The following ECI1 variants were observed in gnomAD, a reference collection of about 807,000 sequenced individuals.
ECI1 encodes enoyl-CoA delta isomerase 1, mitochondrial.
In ECI1, 34 loss-of-function variants were observed where a neutral mutation model predicts 34.2. That is an observed-to-expected ratio of 1.00 (90% CI 0.76 to 1.33). The LOEUF is 1.33. ECI1 is among the 40% of genes most tolerant of loss of function. The probability of loss-of-function intolerance (pLI) is 0.00; values close to 1 mark genes in which losing one functional copy is unlikely to be tolerated. For missense variants in ECI1, 456 were observed against 422.2 expected (o/e 1.08, Z -0.70); for synonymous variants, 211 against 193.0 (o/e 1.09, Z -0.77).
At chr16:2,241,737 G>A (rs1315216131) in intron 6 of ECI1, 1 of 151,892 alleles carries the variant, frequency 6.6e-6, no homozygotes, top group African/African-American at 2.4e-5. Flanking sequence ...TGTCACCCAG[G>A]CTGGGGTACA....
At chr16:2,246,313 G>A (rs1416738204) in intron 3 of ECI1, among the ~76,000 whole-genome samples, 1 of 152,236 alleles carries the variant, frequency 6.6e-6, no homozygotes, top group African/African-American at 2.4e-5. Flanking sequence ...GAGGATCAGA[G>A]AGCATGGGTA....
intron 6 of ECI1, chr16:2,240,515 T>C (rs943671922): frequency 5.9e-5 from 15 of 253,386 alleles, no homozygotes; most frequent in Non-Finnish European, 9.3e-5. Context: ...CCGGCCCTAA[T>C]TTTTTTTTGT....
Position 2,239,866 on chromosome 16 carries a change from A to G in ECI1, c.*113T>C. On this transcript the variant is annotated 3_prime_UTR_variant, in exon 7 of 7. Transcript: ENST00000301729. ...TATGAGGAACAGGAACTTCTACGTA[A>G]CATCAGCAAAATGAAACGCTGGCAG... 8.4e-7 allele frequency: 1 copy of G among 1,197,068 alleles called. No individual in the cohort carries two copies. Among genetic ancestry groups the G allele is most frequent in the South Asian group, 1.2e-5 (1 of 81,294 alleles). 74.2% of individuals were successfully genotyped at this position (1,197,068 alleles called of 1,614,324 possible). A position where few individuals can be genotyped will look rare whatever the true frequency, so the allele number is the denominator to read the frequency against.
At chr16:2,250,314 C>G (rs1363495713) in intron 2 of ECI1, among the ~76,000 whole-genome samples, 1 of 151,340 alleles carries the variant, frequency 6.6e-6, no homozygotes, top group Non-Finnish European at 1.5e-5. Context: ...CTTAGTTTGT[C>G]CCTCTCAAGT....
At chr16:2,249,081 T>C (rs2093546825) in intron 2 of ECI1, among the ~76,000 whole-genome samples, 1 of 152,138 alleles carries the variant, frequency 6.6e-6, no homozygotes, top group South Asian at 2.1e-4. Context: ...ATTCTTGCTC[T>C]GTTGCCCAGG....
In ECI1 at chr16:2,243,544, C is replaced by T. The variant is rs577743285; in HGVS notation, c.442-105G>A. ...GGCCTGTGCCCTTGGCGCACCCCGA[C>T]CCCCGCAGGGTTCAACACCCACAAT... On this transcript the variant is annotated intron_variant, in intron 4 of 6. Transcript: ENST00000301729. 2.7e-5 allele frequency: 39 copies of T among 1,433,058 alleles called. No homozygotes were observed. The East Asian group carries it at 7.4e-4, about 27-fold the overall frequency. The allele number at this position is 1,433,058 out of a possible 1,614,324, so 88.8% of individuals were successfully genotyped here.
intron 3 of ECI1, among the ~76,000 whole-genome samples, chr16:2,244,775 C>A (rs899899647): frequency 6.6e-6 from 1 of 152,222 alleles, no homozygotes. Context: ...TTCCCTTTCC[C>A]GCTTCAAACT....
At chr16:2,251,077 C>T (rs894372365) in intron 2 of ECI1, among the ~76,000 whole-genome samples, 1 of 152,280 alleles carries the variant, frequency 6.6e-6, no homozygotes, top group Non-Finnish European at 1.5e-5. Flanking sequence ...GCCTCTGCCT[C>T]TTAAAGTGCT....
Position 2,243,180 on chromosome 16 carries a change from T to C in ECI1, c.608A>G (p.Glu203Gly). Residue 203 changes from glutamate to glycine, a missense_variant, in exon 6 of 7, where the codon GAG becomes GGG. Glu to Gly is a moderately conservative substitution (Grantham distance 98). Coordinates refer to ENST00000301729, the MANE Select transcript of ECI1 (RefSeq NM_001919.4). ...LENTIGHRAA[E>G]RALQLGLLFP... Reference sequence around the variant, plus strand: ...GAGCAGCCCCAGCTGCAGGGCACGCTCCGCCGCCCGGTGCCCGATGGTGTT... The same window carrying C: ...GAGCAGCCCCAGCTGCAGGGCACGCCCCGCCGCCCGGTGCCCGATGGTGTT... 6.2e-7 allele frequency: 1 copy of C among 1,609,182 alleles called. No homozygotes were observed.
chr16:2,245,569 G>C (rs1024425500), intron 3 of ECI1, among the ~76,000 whole-genome samples: 4 of 152,170 alleles, frequency 2.6e-5, no homozygotes, highest in African/African-American at 9.7e-5. Context: ...TTCTACTTCC[G>C]TTACTCAAAA....
intron 2 of ECI1, among the ~76,000 whole-genome samples, chr16:2,249,275 T>G (rs1415651629): frequency 6.6e-6 from 1 of 151,792 alleles, no homozygotes. Context: ...GGTCTCAATC[T>G]CCTGACCTCG....
At chr16:2,247,336 C>G (rs982520539) in intron 2 of ECI1, among the ~76,000 whole-genome samples, 1 of 152,212 alleles carries the variant, frequency 6.6e-6, no homozygotes, top group South Asian at 2.1e-4. Flanking sequence ...ACCTCGCGAT[C>G]TGCCCACGTC....
At chr16:2,249,419 A>G (rs1268452739) in intron 2 of ECI1, among the ~76,000 whole-genome samples, 1 of 152,078 alleles carries the variant, frequency 6.6e-6, no homozygotes, top group Non-Finnish European at 1.5e-5. Flanking sequence ...ACTTACGGCC[A>G]CGGGGTTGTA....
At position 2,243,427 on chromosome 16, in the gene ECI1, C is replaced by T. The variant is rs756023402; in HGVS notation, c.454G>A (p.Ala152Thr). 3.2e-5 allele frequency: 51 copies of T among 1,613,078 alleles called. No homozygotes were observed. Among genetic ancestry groups the T allele is most frequent in the Non-Finnish European group, 4.1e-5 (48 of 1,180,016 alleles). ...LVSAINGACP[A>T]GGCLVALTCD... ...GTCAGGGCCACCAGGCAGCCTCCAG[C>T]GGGGCAGGCTCCCTGCAGGGAGAGG... Residue 152 changes from alanine to threonine, a missense_variant, in exon 5 of 7, where the codon GCT becomes ACT. Transcript: ENST00000301729.
intron 6 of ECI1, among the ~76,000 whole-genome samples, chr16:2,241,483 G>A (rs1331889582): frequency 1.3e-5 from 2 of 152,072 alleles, no homozygotes; most frequent in Non-Finnish European, 2.9e-5. Context: ...TTTTAGTAGA[G>A]ACGGGGTTTT....
chr16:2,249,053 A>T (rs974265504), intron 2 of ECI1, among the ~76,000 whole-genome samples: 39 of 151,422 alleles, frequency 2.6e-4, no homozygotes, highest in Middle Eastern at 3.4e-3. Flanking sequence ...TTAATTAATT[A>T]ATTTATTTTT....
chr16:2,245,769 C>G lies in ECI1; in HGVS notation c.294+1090G>C, dbSNP rs1411439610. Among the ~76,000 whole-genome samples, 3 of 152,176 alleles carry G rather than the reference C, an allele frequency of 2.0e-5. No homozygotes were observed. The East Asian group carries it at 5.8e-4, about 29-fold the overall frequency. ...GGCTCGCACCTGTAATCCTAGCACACTGGGGAGCCGAGGTGGGAGGAGTGC... is the reference window on the plus strand; with the variant it reads ...GGCTCGCACCTGTAATCCTAGCACAGTGGGGAGCCGAGGTGGGAGGAGTGC... On this transcript the variant is annotated intron_variant, in intron 3 of 6. Transcript: ENST00000301729.
intron 4 of ECI1, 124 bp from the exon 5 acceptor site, chr16:2,243,563 C>A: frequency 8.4e-7 from 1 of 1,186,908 alleles, no homozygotes; most frequent in East Asian, 2.4e-5. Context: ...GGTTCAACAC[C>A]CACAATGGTC....
chr16:2,240,439 G>T (rs1398543848), intron 6 of ECI1: 2 of 368,364 alleles, frequency 5.4e-6, no homozygotes, highest in Non-Finnish European at 1.0e-5. Context: ...CCGAACTCCT[G>T]ACCTCAGGTG....
Sources: gnomAD v4.1 joint callset for allele counts (sites outside exome capture counted in the v4.1 genomes callset) on GRCh38, gnomAD v4.1.1 for gene constraint, MANE v1.5 for transcripts, NCBI Gene and HGNC (gene_info 2026-07-23, HGNC 2026-07-21) for gene names.